NDST3: variants seen among roughly 807,000 people sequenced by gnomAD.
The protein encoded by NDST3 is N-deacetylase and N-sulfotransferase 3.
NDST3 carries 58 observed loss-of-function variants against 96.1 expected under a neutral mutation model. That is an observed-to-expected ratio of 0.60 (90% confidence interval 0.49 to 0.75). The LOEUF is 0.75. Ranked by LOEUF, NDST3 falls within the 30% of genes least tolerant of loss-of-function variation. The probability of loss-of-function intolerance (pLI) is 0.00; values close to 1 mark genes in which losing one functional copy is unlikely to be tolerated. For synonymous variants in NDST3, 333 were observed against 359.7 expected (o/e 0.93, Z 0.84); for missense variants, 788 against 1,034.2 (o/e 0.76, Z 3.27).
intron 4 of NDST3, among the ~76,000 whole-genome samples, chr4:118,126,326 A>G (rs1732058067): frequency 6.6e-6 from 1 of 151,944 alleles, no homozygotes; most frequent in African/African-American, 2.4e-5. Context: ...CCACGTGTTC[A>G]ATTGTTTCGA....
At chr4:118,090,064 A>C (rs1246612349) in intron 2 of NDST3, among the ~76,000 whole-genome samples, 4 of 151,970 alleles carry the variant, frequency 2.6e-5, no homozygotes, top group Non-Finnish European at 5.9e-5. Context: ...ATATATCCAT[A>C]GTCCATGGGG....
At chr4:118,045,413 T>C (rs1225540182) in intron 1 of NDST3, among the ~76,000 whole-genome samples, 1 of 152,170 alleles carries the variant, frequency 6.6e-6, no homozygotes, top group Non-Finnish European at 1.5e-5. Context: ...TTTAGAACAT[T>C]TTAAATAAAT....
chr4:118,129,843 T>A (rs983435134), intron 4 of NDST3, among the ~76,000 whole-genome samples: 1 of 152,050 alleles, frequency 6.6e-6, no homozygotes, highest in African/African-American at 2.4e-5. Flanking sequence ...TCTAATAATA[T>A]TTTTTTATAT....
Position 118,051,460 on chromosome 4 carries a change from G to A in NDST3, c.-155-2296G>A, listed in dbSNP as rs184620103. On this transcript the variant is annotated intron_variant, in intron 1 of 13. Transcript: ENST00000296499. ...AACAGCAGAAGAAACTATCAGCAGA[G>A]TAAACAGACAACCTACAGAATGGGA... Among the ~76,000 whole-genome samples the A allele has an allele frequency of 1.2e-4, 18 of 152,216 alleles. 1 individual carries two copies. The highest frequency in any genetic ancestry group is 1.2e-3 in the Admixed American group (18 of 15,282).
In NDST3 at chr4:118,194,176, A is replaced by G. The variant is rs556343609; in HGVS notation, c.1540-30315A>G. The G allele has an allele frequency of 7.8e-5, 62 of 792,684 alleles. 1 individual carries two copies. The highest frequency in any genetic ancestry group is 7.7e-4 in the South Asian group (57 of 74,114). 49.1% of individuals were successfully genotyped at this position (792,684 alleles called of 1,614,324 possible). A position where few individuals can be genotyped will look rare whatever the true frequency, so the allele number is the denominator to read the frequency against. Reference sequence around the variant, plus strand: ...TGCACTGAATGGCCCTCTCCAGACCATAAGGCAGATCCAGATTCTCCTGAT... The same window carrying G: ...TGCACTGAATGGCCCTCTCCAGACCGTAAGGCAGATCCAGATTCTCCTGAT... On this transcript the variant is annotated intron_variant, in intron 6 of 13. Coordinates refer to ENST00000296499, the MANE Select transcript of NDST3 (RefSeq NM_004784.3).
intron 6 of NDST3, chr4:118,194,585 T>C: frequency 1.4e-6 from 1 of 728,440 alleles, no homozygotes; most frequent in South Asian, 1.4e-5. Flanking sequence ...CCAGCCAGTG[T>C]AGTGGACAAA....
chr4:118,163,754 T>TAATAAAATAA (rs918722264), intron 6 of NDST3, among the ~76,000 whole-genome samples: 2 of 151,652 alleles, frequency 1.3e-5, no homozygotes, highest in African/African-American at 4.8e-5. Flanking sequence ...AGTATAATAA[T>TAATAAAATAA]AATAAAATAA....
intron 4 of NDST3, among the ~76,000 whole-genome samples, chr4:118,126,003 T>G (rs1732029098): frequency 6.6e-6 from 1 of 152,048 alleles, no homozygotes; most frequent in African/African-American, 2.4e-5. Flanking sequence ...ATTTCTTACT[T>G]TCTTCCAGTG....
chr4:118,247,687 T>C (rs1741409857), intron 12 of NDST3, among the ~76,000 whole-genome samples: 1 of 152,224 alleles, frequency 6.6e-6, no homozygotes, highest in Admixed American at 6.5e-5. Flanking sequence ...ATTGTGGTGA[T>C]AATTGTACAA....
intron 8 of NDST3, among the ~76,000 whole-genome samples, chr4:118,228,263 A>G (rs542102405): frequency 7.9e-5 from 12 of 152,302 alleles, no homozygotes; most frequent in African/African-American, 2.6e-4. Flanking sequence ...ATCTATCTAA[A>G]GTCAAAAGGC....
intron 2 of NDST3, among the ~76,000 whole-genome samples, chr4:118,082,527 T>A (rs758142527): frequency 2.6e-5 from 4 of 152,178 alleles, no homozygotes; most frequent in African/African-American, 7.2e-5. Flanking sequence ...AAATATTTTA[T>A]AATGGACAGT....
intron 2 of NDST3, among the ~76,000 whole-genome samples, chr4:118,063,284 G>A (rs1726049523): frequency 6.6e-6 from 1 of 150,716 alleles, no homozygotes; most frequent in Non-Finnish European, 1.5e-5. Context: ...ACCAGACAAT[G>A]ATGAGTTCTA....
At chr4:118,179,927 A>G (rs1393699710) in intron 6 of NDST3, among the ~76,000 whole-genome samples, 1 of 151,982 alleles carries the variant, frequency 6.6e-6, no homozygotes, top group Non-Finnish European at 1.5e-5. Flanking sequence ...CTACAGCTCT[A>G]CTTTACTACA....
chr4:118,116,123 A>C (rs1560654341), intron 4 of NDST3, among the ~76,000 whole-genome samples: 1 of 152,222 alleles, frequency 6.6e-6, no homozygotes, highest in Non-Finnish European at 1.5e-5. Flanking sequence ...CAGAATTTGT[A>C]ATAGAAAGTG....
At chr4:118,162,527 T>C (rs1735236891) in intron 6 of NDST3, among the ~76,000 whole-genome samples, 1 of 151,752 alleles carries the variant, frequency 6.6e-6, no homozygotes, top group Non-Finnish European at 1.5e-5. Flanking sequence ...TAAATGGTGC[T>C]GGGAAAACTG....
rs574612623 is a variant in NDST3 at position 118,065,967 on chromosome 4, G to A, written c.981+11076G>A. On this transcript the variant is annotated intron_variant, in intron 2 of 13. Transcript: ENST00000296499. The stretch of plus-strand genomic sequence containing the variant: ...GATTTCTGGGAAAGAAAAATATTGC[G>A]TGTAGAAATTAGACCAACTTGTTGA... 8.9e-5 allele frequency among the ~76,000 whole-genome samples: 13 copies of A among 145,744 alleles called. No individual in the cohort carries two copies. In the East Asian group the frequency reaches 9.9e-4, roughly 11 times the overall value.
chr4:118,096,110 T>C (rs929573262), intron 2 of NDST3, among the ~76,000 whole-genome samples: 1 of 151,946 alleles, frequency 6.6e-6, no homozygotes, highest in Non-Finnish European at 1.5e-5. Flanking sequence ...CTAGATCATA[T>C]GGTAATTCTA....
At chr4:118,140,872 G>C (rs1560672867) in intron 5 of NDST3, among the ~76,000 whole-genome samples, 1 of 152,188 alleles carries the variant, frequency 6.6e-6, no homozygotes, top group East Asian at 1.9e-4. Context: ...AGTATTATGG[G>C]GATTACAATT....
chr4:118,182,516 C>A (rs1276404274), intron 6 of NDST3, among the ~76,000 whole-genome samples: 3 of 152,080 alleles, frequency 2.0e-5, no homozygotes, highest in African/African-American at 7.2e-5. Flanking sequence ...TGACAACAGG[C>A]AAATGATACT....
Sources: allele counts gnomAD v4.1 joint callset (sites outside exome capture counted in the v4.1 genomes callset), GRCh38; gene constraint gnomAD v4.1.1; transcripts MANE v1.5; gene names NCBI Gene and HGNC (gene_info 2026-07-23, HGNC 2026-07-21).